The following SORCS2 variants were observed in gnomAD, a reference collection of about 807,000 sequenced individuals.
SORCS2 encodes sortilin related VPS10 domain containing receptor 2.
In SORCS2, 100 loss-of-function variants were observed where a neutral mutation model predicts 141.6. The ratio of observed to expected loss-of-function variants is 0.71; its 90% CI spans 0.60 to 0.83. The LOEUF is 0.83. SORCS2 is among the 40% of genes least tolerant of loss of function. The pLI is 0.00. For synonymous variants in SORCS2, 789 were observed against 676.9 expected, an observed-to-expected ratio of 1.17 and a Z score of -2.57; for missense variants, 1,646 against 1,560.2, an observed-to-expected ratio of 1.05 and a Z score of -0.93.
intron 1 of SORCS2, among the ~76,000 whole-genome samples, chr4:7,276,810 G>A (rs2108851561): frequency 6.6e-6 from 1 of 152,296 alleles, no homozygotes; most frequent in Non-Finnish European, 1.5e-5. Flanking sequence ...TGGAGCAGAA[G>A]AGCTTCCATT....
Position 7,618,132 on chromosome 4 carries a change from C to A in SORCS2, c.649-20196C>A, listed in dbSNP as rs182310224. 1.5e-3 allele frequency among the ~76,000 whole-genome samples: 227 copies of A among 152,212 alleles called. 1 individual carries two copies. Among genetic ancestry groups the A allele is most frequent in the Non-Finnish European group, 2.0e-3 (136 of 68,004 alleles). ...CATCCCTGATTCATCGCGTTGCCAT[C>A]GGAACTCTTCCACCTGCTTCACAGA... On this transcript the variant is annotated intron_variant, in intron 3 of 26. Coordinates refer to ENST00000507866, the MANE Select transcript of SORCS2 (RefSeq NM_020777.3).
intron 2 of SORCS2, among the ~76,000 whole-genome samples, chr4:7,458,564 C>CCTG (rs923004302): frequency 7.0e-4 from 106 of 152,342 alleles, no homozygotes; most frequent in African/African-American, 2.5e-3. Context: ...GACAAAACTT[C>CCTG]CTGCTGCTTA....
intron 1 of SORCS2, among the ~76,000 whole-genome samples, chr4:7,354,452 C>A (rs1418678222): frequency 6.6e-6 from 1 of 151,998 alleles, no homozygotes; most frequent in Non-Finnish European, 1.5e-5. Flanking sequence ...GAAAGAGAGA[C>A]AACAAGGTGC....
At chr4:7,698,472 T>C (rs945116212) in intron 12 of SORCS2, among the ~76,000 whole-genome samples, 1 of 152,244 alleles carries the variant, frequency 6.6e-6, no homozygotes, top group Non-Finnish European at 1.5e-5. Context: ...ATATTTCTAT[T>C]TCACTAAAAC....
intron 25 of SORCS2, among the ~76,000 whole-genome samples, chr4:7,735,219 A>G (rs1299432919): frequency 6.6e-6 from 1 of 152,180 alleles, no homozygotes; most frequent in East Asian, 1.9e-4. Context: ...CAGTCTCCCC[A>G]TCGGGGTCAC....
At chr4:7,680,920 T>C (rs1723488020) in intron 9 of SORCS2, among the ~76,000 whole-genome samples, 1 of 152,230 alleles carries the variant, frequency 6.6e-6, no homozygotes, top group Non-Finnish European at 1.5e-5. Context: ...ACCTTGCACT[T>C]TGAAACAGAT....
intron 2 of SORCS2, among the ~76,000 whole-genome samples, chr4:7,496,064 G>A (rs1731596987): frequency 6.6e-6 from 1 of 152,216 alleles, no homozygotes; most frequent in Non-Finnish European, 1.5e-5. Context: ...CCAAAGCGGT[G>A]CAGAAGAGAA....
intron 1 of SORCS2, among the ~76,000 whole-genome samples, chr4:7,326,677 C>T (rs903090946): frequency 5.3e-5 from 8 of 152,248 alleles, no homozygotes; most frequent in Middle Eastern, 3.2e-3. Flanking sequence ...ATGACAGCCT[C>T]GCCGCCAGGG....
chr4:7,388,514 A>G (rs1332014298), intron 1 of SORCS2, among the ~76,000 whole-genome samples: 1 of 152,174 alleles, frequency 6.6e-6, no homozygotes, highest in Non-Finnish European at 1.5e-5. Context: ...AAGGGTCTCT[A>G]GTTGAAATCT....
chr4:7,221,314 C>T (rs1728692213), intron 1 of SORCS2, among the ~76,000 whole-genome samples: 1 of 152,210 alleles, frequency 6.6e-6, no homozygotes, highest in South Asian at 2.1e-4. Flanking sequence ...CCGGTCCCAC[C>T]AGACCCTGGG....
At chr4:7,277,440 G>A (rs150885999) in intron 1 of SORCS2, among the ~76,000 whole-genome samples, 2 of 152,160 alleles carry the variant, frequency 1.3e-5, no homozygotes, top group African/African-American at 4.8e-5. Context: ...TTTCCGTGAC[G>A]AAGATGAGAA....
At chr4:7,625,930 G>A (rs1215692961) in intron 3 of SORCS2, among the ~76,000 whole-genome samples, 1 of 152,136 alleles carries the variant, frequency 6.6e-6, no homozygotes, top group Admixed American at 6.5e-5. Flanking sequence ...CTTGGGCCCA[G>A]GAGTTTAAGA....
intron 1 of SORCS2, among the ~76,000 whole-genome samples, chr4:7,362,611 G>A (rs781027424): frequency 3.4e-4 from 52 of 152,150 alleles, no homozygotes; most frequent in African/African-American, 1.2e-3. Flanking sequence ...GGAAAGCTGC[G>A]GTTCCAGGGG....
intron 1 of SORCS2, among the ~76,000 whole-genome samples, chr4:7,352,768 G>A (rs1245729656): frequency 1.3e-5 from 2 of 152,212 alleles, no homozygotes; most frequent in Non-Finnish European, 2.9e-5. Context: ...CAACAGGGAG[G>A]GAGAGGCTGC....
At chr4:7,557,123 AGTT>A (rs925510026) in intron 3 of SORCS2, among the ~76,000 whole-genome samples, 23 of 152,310 alleles carry the variant, frequency 1.5e-4, no homozygotes, top group African/African-American at 5.3e-4. Context: ...CAAGGAGGGC[AGTT>A]GTTGTCACAA....
At chr4:7,254,247 C>T (rs932737520) in intron 1 of SORCS2, among the ~76,000 whole-genome samples, 43 of 152,176 alleles carry the variant, frequency 2.8e-4, no homozygotes, top group Admixed American at 1.8e-3. Context: ...CTGTTCACAG[C>T]AGCAAAGATA....
At chr4:7,597,295 C>A (rs542606127) in intron 3 of SORCS2, among the ~76,000 whole-genome samples, 1 of 143,956 alleles carries the variant, frequency 6.9e-6, no homozygotes, top group African/African-American at 2.6e-5. Context: ...CGATTGCAAT[C>A]GGAGATGGGG....
intron 1 of SORCS2, among the ~76,000 whole-genome samples, chr4:7,258,859 A>C (rs151228138): frequency 0.013 from 2,008 of 152,248 alleles, 32 homozygotes; most frequent in Non-Finnish European, 0.017. Flanking sequence ...TTTGATCTGC[A>C]TTTCTCTGAT....
intron 4 of SORCS2, among the ~76,000 whole-genome samples, chr4:7,653,866 A>G (rs1721587790): frequency 6.6e-6 from 1 of 152,144 alleles, no homozygotes; most frequent in Admixed American, 6.5e-5. Context: ...AGGCTCAGAC[A>G]CACCTCCTCT....
Sources: gnomAD v4.1 joint callset for allele counts (sites outside exome capture counted in the v4.1 genomes callset) on GRCh38, gnomAD v4.1.1 for gene constraint, MANE v1.5 for transcripts, NCBI Gene and HGNC (gene_info 2026-07-23, HGNC 2026-07-21) for gene names.